CD36: variants seen among roughly 807,000 people sequenced by gnomAD.
The protein encoded by CD36 is platelet glycoprotein 4.
In CD36, 119 loss-of-function variants were observed where a neutral mutation model predicts 55.2. The observed-to-expected ratio is 2.15, with a 90% CI of 1.86 to 2.51. CD36 has a LOEUF of 2.51. CD36 is among the 30% of genes most tolerant of loss of function. The pLI is 0.00. For missense variants in CD36, 819 were observed against 555.5 expected (o/e 1.47, Z -4.77); for synonymous variants, 186 against 193.6 (o/e 0.96, Z 0.33).
At chr7:80,636,655 T>G (rs769030560), upstream of CD36, among the ~76,000 whole-genome samples, 6 of 152,120 alleles carry the variant, frequency 3.9e-5, no homozygotes, top group Non-Finnish European at 7.4e-5. Flanking sequence ...AAGCAAGGTA[T>G]ATGCTCACAT....
At chr7:80,637,439 A>G (rs1031133601), upstream of CD36, among the ~76,000 whole-genome samples, 5 of 152,066 alleles carry the variant, frequency 3.3e-5, no homozygotes, top group Non-Finnish European at 4.4e-5. Flanking sequence ...CTTTATCCTA[A>G]TTAAGTGGTC....
chr7:80,646,660 C>G lies in CD36; in HGVS notation c.-81C>G. Reference sequence around the variant, plus strand: ...TCTCTTTCTAATGATAGAACCAGAGCTTGTAGAAACCACTTTAATCATATC... The same window carrying G: ...TCTCTTTCTAATGATAGAACCAGAGGTTGTAGAAACCACTTTAATCATATC... On this transcript the variant is annotated 5_prime_UTR_variant, in exon 3 of 15. Transcript: ENST00000447544. 2 of 1,525,590 alleles carry G rather than the reference C, an allele frequency of 1.3e-6. No individual in the cohort carries two copies. The allele number at this position is 1,525,590 out of a possible 1,614,324, so 94.5% of individuals were successfully genotyped here.
chr7:80,666,282 T>TCAAA (rs1797084194), intron 7 of CD36, 161 bp from the exon 8 acceptor site: 1 of 630,034 alleles, frequency 1.6e-6, no homozygotes, highest in Non-Finnish European at 2.8e-6. Flanking sequence ...GATAAAAGGT[T>TCAAA]CAAACAAAAC....
In CD36 at chr7:80,674,097, G is replaced by T. The variant is rs772343580; in HGVS notation, c.1369G>T (p.Val457Phe). The T allele has an allele frequency of 6.2e-7, 1 of 1,612,340 alleles. No individual in the cohort carries two copies. Among genetic ancestry groups the T allele is most frequent in the South Asian group, 1.1e-5 (1 of 91,006 alleles). The change falls in exon 14 of 15, where the codon GTT becomes TTT. Residue 457 changes from valine (V) to phenylalanine (F), a missense_variant. Coordinates refer to ENST00000447544, the MANE Select transcript of CD36 (RefSeq NM_001001548.3). ...ACTCAGTGTTGGTGTGGTGATGTTT[G>T]TTGCTTTTATGATTTCATATTGTGC... ...ILLSVGVVMF[V>F]AFMISYCACR...
rs367918733 is a variant in CD36, at chr7:80,650,927, C to CAGAAA, written c.120+4068_120+4069insGAAAA. Among the ~76,000 whole-genome samples the CAGAAA allele has an allele frequency of 7.5e-5, 10 of 133,528 alleles. No homozygotes were observed. The East Asian group carries it at 1.3e-3, about 18-fold the overall frequency. 87.6% of individuals were successfully genotyped at this position (133,528 alleles called of 152,430 possible). A position where few individuals can be genotyped will look rare whatever the true frequency, so the allele number is the denominator to read the frequency against. ...CAGCCAGCAAGTTTATGCAGTCTTT[C>CAGAAA]AAAAAAAAAAAAAAAACTAAAAATC... On this transcript the variant is annotated intron_variant, in intron 3 of 14. Transcript: ENST00000447544.
upstream of CD36, among the ~76,000 whole-genome samples, chr7:80,634,841 A>G (rs1157761148): frequency 3.3e-5 from 5 of 152,106 alleles, no homozygotes; most frequent in African/African-American, 1.2e-4. Context: ...AAGGCTTTCA[A>G]AGCATGATAC....
intron 8 of CD36, among the ~76,000 whole-genome samples, chr7:80,666,811 C>T (rs1349152040): frequency 6.6e-6 from 1 of 151,978 alleles, no homozygotes; most frequent in Non-Finnish European, 1.5e-5. Context: ...AGTTACATTT[C>T]AAATATTTTA....
intron 8 of CD36, among the ~76,000 whole-genome samples, chr7:80,668,826 T>G (rs1797373197): frequency 6.6e-6 from 1 of 152,220 alleles, no homozygotes; most frequent in Admixed American, 6.5e-5. Flanking sequence ...TAATCAAAGA[T>G]GAGACTTACC....
Position 80,663,023 on chromosome 7 carries a change from C to T in CD36, c.463C>T (p.Gln155Ter), listed in dbSNP as rs373217513. 6 of 1,613,128 alleles carry T rather than the reference C, an allele frequency of 3.7e-6. No homozygotes were observed. The highest frequency in any genetic ancestry group is 5.1e-6 in the Non-Finnish European group (6 of 1,179,478). The change falls in exon 6 of 15, where the codon CAA becomes TAA. Residue 155 changes from glutamine (Q) to a stop codon, truncating the protein, a stop_gained. Transcript: ENST00000447544. LOFTEE classifies it high-confidence loss of function. ...ASHIYQNQFVQMILNSLINKS... is the reference protein window; with the variant it reads ...ASHIYQNQFV ...CCATATCTATCAAAATCAATTTGTTCAAATGATCCTCAATTCACTTATTAA... is the reference window on the plus strand; with the variant it reads ...CCATATCTATCAAAATCAATTTGTTTAAATGATCCTCAATTCACTTATTAA...
chr7:80,647,023 T>C (rs1308964268), intron 3 of CD36, 163 bp downstream of exon 3: 2 of 671,516 alleles, frequency 3.0e-6, no homozygotes, highest in Non-Finnish European at 5.1e-6. Context: ...TGCGACTTTA[T>C]GTGAAATGTT....
chr7:80,618,491 A>T (rs1793289283), intron 1 of CD36, among the ~76,000 whole-genome samples: 1 of 152,194 alleles, frequency 6.6e-6, no homozygotes, highest in African/African-American at 2.4e-5. Context: ...GATAGGATGA[A>T]ACCTAGGCCT....
chr7:80,660,979 A>G, intron 4 of CD36, 84 bp from the exon 5 acceptor site: 1 of 1,050,280 alleles, frequency 9.5e-7, no homozygotes, highest in Non-Finnish European at 1.5e-6. Flanking sequence ...GTGTTCAAAA[A>G]TCATTTGTTG....
intron 1 of CD36, among the ~76,000 whole-genome samples, chr7:80,623,121 A>C (rs566133228): frequency 6.6e-6 from 1 of 151,830 alleles, no homozygotes; most frequent in East Asian, 1.9e-4. Context: ...CATTGTTAGT[A>C]TTTATTATAC....
At chr7:80,650,300 T>C (rs891475815) in intron 3 of CD36, among the ~76,000 whole-genome samples, 2 of 152,138 alleles carry the variant, frequency 1.3e-5, no homozygotes, top group Non-Finnish European at 2.9e-5. Context: ...TACACAACCA[T>C]GTTGACCTTG....
intron 1 of CD36, among the ~76,000 whole-genome samples, chr7:80,613,205 A>T (rs1473743071): frequency 6.6e-6 from 1 of 152,092 alleles, no homozygotes; most frequent in Non-Finnish European, 1.5e-5. Flanking sequence ...CTTTCTTTAC[A>T]TTATACATAT....
chr7:80,663,216 T>A (rs1796705313), intron 6 of CD36, 47 bp downstream of exon 6: 2 of 1,460,662 alleles, frequency 1.4e-6, no homozygotes, highest in Non-Finnish European at 1.9e-6. Flanking sequence ...TTAATTTAAT[T>A]AATTCAATGG....
intron 1 of CD36, among the ~76,000 whole-genome samples, chr7:80,627,032 AGACT>A (rs1793781998): frequency 6.6e-6 from 1 of 152,018 alleles, no homozygotes; most frequent in African/African-American, 2.4e-5. Context: ...CTCCTGAGAC[AGACT>A]ATTACAAGGT....
intron 1 of CD36, among the ~76,000 whole-genome samples, chr7:80,632,514 C>G (rs771727992): frequency 1.6e-4 from 24 of 152,100 alleles, no homozygotes; most frequent in Non-Finnish European, 2.9e-4. Context: ...AGATGATCAG[C>G]TGGTGCAGAT....
At chr7:80,672,335 T>C (rs571671101) in intron 11 of CD36, among the ~76,000 whole-genome samples, 2 of 151,954 alleles carry the variant, frequency 1.3e-5, no homozygotes, top group East Asian at 3.9e-4. Context: ...TCTATAAAAT[T>C]GTTGTAGCGC....
Sources: gnomAD v4.1 joint callset for allele counts (sites outside exome capture counted in the v4.1 genomes callset) on GRCh38, gnomAD v4.1.1 for gene constraint, MANE v1.5 for transcripts, NCBI Gene and HGNC (gene_info 2026-07-23, HGNC 2026-07-21) for gene names.